Variants in ATP11C observed in about 807,000 individuals in gnomAD.
ATP11C encodes phospholipid-transporting ATPase IG.
In ATP11C, 36 loss-of-function variants were observed where a neutral mutation model predicts 97.4. The observed-to-expected ratio is 0.37, with a 90% CI of 0.28 to 0.49. ATP11C has a LOEUF of 0.49. ATP11C is among the 20% of genes least tolerant of loss of function. The pLI, the probability that ATP11C is intolerant of heterozygous loss-of-function variation, is 0.98. For missense variants in ATP11C, 730 were observed against 824.6 expected (o/e 0.89, Z 1.40); for synonymous variants, 275 against 290.9 (o/e 0.95, Z 0.56).
chrX:139,734,709 C>G (rs964746710), intron 28 of ATP11C, among the ~76,000 whole-genome samples: 5 of 111,471 alleles, frequency 4.5e-5, no homozygotes, highest in Non-Finnish European at 9.4e-5. Flanking sequence ...ATACCCTCAA[C>G]AGCATTGCTA....
upstream of ATP11C, among the ~76,000 whole-genome samples, chrX:139,935,841 T>A (rs2085513542): frequency 9.0e-6 from 1 of 110,960 alleles, no homozygotes; most frequent in African/African-American, 3.3e-5. Context: ...AATACAAAAA[T>A]TAGCTGGGCG....
chrX:139,872,140 A>G (rs1008639213), intron 1 of ATP11C, among the ~76,000 whole-genome samples: 4 of 111,428 alleles, frequency 3.6e-5, no homozygotes, highest in East Asian at 5.6e-4. Flanking sequence ...CTAAAAATTG[A>G]TAACAACCAT....
chrX:139,818,070 A>C (rs2083325195), intron 3 of ATP11C, among the ~76,000 whole-genome samples: 1 of 111,321 alleles, frequency 9.0e-6, no homozygotes, highest in African/African-American at 3.3e-5. Context: ...TCTCTTCCCT[A>C]TCCCTGAAAT....
Position 139,922,223 on chromosome X carries a change from A to AATATATAT in ATP11C, c.27+9785_27+9792dup, listed in dbSNP as rs201394639. The stretch of plus-strand genomic sequence containing the variant: ...GTCTCTCTCTCTCTCTCCTTCTCTA[A>AATATATAT]ATATATATATATATATATATATATA... On this transcript the variant is annotated intron_variant, in intron 1 of 29. Transcript: ENST00000682941. Among the ~76,000 whole-genome samples, 318 of 43,679 alleles carry AATATATAT rather than the reference A, an allele frequency of 7.3e-3. 2 individuals are homozygous for AATATATAT. Among genetic ancestry groups the AATATATAT allele is most frequent in the Non-Finnish European group, 8.5e-3 (200 of 23,466 alleles). 37.9% of individuals were successfully genotyped at this position (43,679 alleles called of 115,157 possible).
rs1403136838 is a variant in ATP11C at position 139,871,013 on chromosome X, G to A, written c.28-44190C>T. On this transcript the variant is annotated intron_variant, in intron 1 of 29. Coordinates refer to ENST00000682941, the MANE Select transcript of ATP11C (RefSeq NM_001353812.2). ...GGAGCTTGCAGTGAGCCGAGATTGC[G>A]CCACTGCAGTCCGCAGTCCGACCTG... is the stretch of plus-strand genomic sequence containing the variant. Among the ~76,000 whole-genome samples, 6 of 94,387 alleles carry A rather than the reference G, an allele frequency of 6.4e-5. No homozygotes were observed. The East Asian group carries it at 1.4e-3, about 21-fold the overall frequency. 82.0% of individuals were successfully genotyped at this position (94,387 alleles called of 115,157 possible).
chrX:139,798,438 T>C (rs1900166177), intron 9 of ATP11C, 84 bp from the exon 10 acceptor site: 2 of 755,686 alleles, frequency 2.6e-6, no homozygotes, highest in African/African-American at 4.2e-5. Flanking sequence ...TTTAAGTCTA[T>C]AAAAGTGGGA....
In ATP11C at chrX:139,932,148, G is replaced by A; in HGVS notation, c.-106C>T. On this transcript the variant is annotated 5_prime_UTR_variant, in exon 1 of 30. Coordinates refer to ENST00000682941, the MANE Select transcript of ATP11C (RefSeq NM_001353812.2). Reference sequence around the variant, plus strand: ...TGGGCCGGCGGCGCCAAGCGGAGCAGCGAGGCGGGCGGCCGGGCCACCCGC... The same window carrying A: ...TGGGCCGGCGGCGCCAAGCGGAGCAACGAGGCGGGCGGCCGGGCCACCCGC... 1.3e-6 allele frequency: 1 copy of A among 777,135 alleles called. No homozygotes were observed. Among genetic ancestry groups the A allele is most frequent in the South Asian group, 6.3e-5 (1 of 15,974 alleles). The allele number at this position is 777,135 out of a possible 1,213,427, so 64.0% of individuals were successfully genotyped here.
At chrX:139,906,745 G>A (rs1341801435) in intron 1 of ATP11C, among the ~76,000 whole-genome samples, 1 of 108,386 alleles carries the variant, frequency 9.2e-6, no homozygotes, top group African/African-American at 3.4e-5. Context: ...TCATACCACT[G>A]CACTCCAGCC....
chrX:139,781,705 A>G lies in ATP11C; in HGVS notation c.1952+842T>C, dbSNP rs527583765. ...GCACTCCAGCCTGGGCGACAGAGCA[A>G]GACTCTGTCTCAAAAATAAATAAAT... On this transcript the variant is annotated intron_variant, in intron 18 of 29. Coordinates refer to ENST00000682941, the MANE Select transcript of ATP11C (RefSeq NM_001353812.2). 4.2e-4 allele frequency among the ~76,000 whole-genome samples: 47 copies of G among 111,746 alleles called. No individual in the cohort carries two copies. The South Asian group carries it at 7.5e-3, about 18-fold the overall frequency.
rs1225332568 is a variant in ATP11C at position 139,727,281 on chromosome X, C to T, written c.*1685G>A. 1 of 111,838 alleles carries T rather than the reference C, an allele frequency of 8.9e-6. No homozygotes were observed. The highest frequency in any genetic ancestry group is 1.9e-5 in the Non-Finnish European group (1 of 53,017). The allele number at this position is 111,838 out of a possible 1,213,427, so 9.2% of individuals were successfully genotyped here. A position where few individuals can be genotyped will look rare whatever the true frequency, so the allele number is the denominator to read the frequency against. ...ATATCAAAAGCTTTCCTGGGTTAGA[C>T]TTTTTTAGCTCTTTGGAATAGGCAA... On this transcript the variant is annotated 3_prime_UTR_variant, in exon 30 of 30. Coordinates refer to ENST00000682941, the MANE Select transcript of ATP11C (RefSeq NM_001353812.2).
intron 12 of ATP11C, among the ~76,000 whole-genome samples, chrX:139,790,513 G>A (rs752784307): frequency 6.6e-4 from 72 of 109,905 alleles, no homozygotes; most frequent in African/African-American, 2.3e-3. Flanking sequence ...CACTTTGTGG[G>A]CTAGTACGTA....
At chrX:139,918,375 G>A (rs2085189756) in intron 1 of ATP11C, among the ~76,000 whole-genome samples, 1 of 111,959 alleles carries the variant, frequency 8.9e-6, no homozygotes. Flanking sequence ...ACTTTGGGAG[G>A]CCGAGGCGGG....
chrX:139,732,664 A>G (rs925172558), intron 28 of ATP11C: 1 of 203,331 alleles, frequency 4.9e-6, no homozygotes, highest in Non-Finnish European at 9.4e-6. Context: ...AGCCGAAATG[A>G]TATGTTAGTT....
At position 139,728,899 on chromosome X, in the gene ATP11C, T is replaced by C. The variant is rs758240350; in HGVS notation, c.*67A>G. 1.7e-6 allele frequency: 2 copies of C among 1,199,612 alleles called. No homozygotes were observed. The highest frequency in any genetic ancestry group is 2.3e-6 in the Non-Finnish European group (2 of 887,918). On this transcript the variant is annotated 3_prime_UTR_variant, in exon 30 of 30. Transcript: ENST00000682941. ...GTAGTTGTTTCTTCATGCTTTCTTT[T>C]TTAGCTGTAACCACTGTCAGTATGC... is the stretch of plus-strand genomic sequence containing the variant.
intron 18 of ATP11C, among the ~76,000 whole-genome samples, chrX:139,779,415 A>C (rs1360574219): frequency 8.9e-6 from 1 of 112,171 alleles, no homozygotes; most frequent in Non-Finnish European, 1.9e-5. Flanking sequence ...AAAATTAGAA[A>C]TCAATACCAA....
rs1261269413 is a variant in ATP11C, at chrX:139,727,391, A to C, written c.*1575T>G. 8.9e-6 allele frequency: 1 copy of C among 111,992 alleles called. No homozygotes were observed. The highest frequency in any genetic ancestry group is 9.5e-5 in the Admixed American group (1 of 10,476). 9.2% of individuals were successfully genotyped at this position (111,992 alleles called of 1,213,427 possible). A position where few individuals can be genotyped will look rare whatever the true frequency, so the allele number is the denominator to read the frequency against. ...CACACTTAGGTAAGTTGTGAATGAC[A>C]TGTAACAAAATGCTCAAAAATAATA... On this transcript the variant is annotated 3_prime_UTR_variant, in exon 30 of 30. Coordinates refer to ENST00000682941, the MANE Select transcript of ATP11C (RefSeq NM_001353812.2).
intron 3 of ATP11C, among the ~76,000 whole-genome samples, chrX:139,817,566 GAAAGTTT>G (rs1041746135): frequency 9.8e-5 from 11 of 112,385 alleles, no homozygotes; most frequent in African/African-American, 3.6e-4. Flanking sequence ...GGAAATCCTT[GAAAGTTT>G]TAAGCAAGGA....
intron 22 of ATP11C, among the ~76,000 whole-genome samples, chrX:139,758,304 G>A (rs1049192376): frequency 5.3e-5 from 6 of 112,314 alleles, no homozygotes; most frequent in Non-Finnish European, 9.4e-5. Flanking sequence ...ATCAACTAAC[G>A]CTTTAATGCC....
At chrX:139,789,221 C>A in intron 13 of ATP11C, 106 bp downstream of exon 13, 15 of 590,239 alleles carry the variant, frequency 2.5e-5, no homozygotes, top group South Asian at 4.7e-5. Flanking sequence ...AAAACAAAAA[C>A]ACAAAAGTCT....
Sources: allele counts gnomAD v4.1 joint callset (sites outside exome capture counted in the v4.1 genomes callset), GRCh38; gene constraint gnomAD v4.1.1; transcripts MANE v1.5; gene names NCBI Gene and HGNC (gene_info 2026-07-23, HGNC 2026-07-21).